Variants in AGPAT5 observed in about 807,000 individuals in gnomAD.
AGPAT5 encodes 1-acylglycerol-3-phosphate O-acyltransferase 5, also known as 1-acyl-sn-glycerol-3-phosphate acyltransferase epsilon.
AGPAT5 carries 46 observed loss-of-function variants against 45.6 expected under a neutral mutation model. That is an observed-to-expected ratio of 1.01 (90% CI 0.80 to 1.29). AGPAT5 has a LOEUF of 1.29. AGPAT5 is among the 50% of genes most tolerant of loss of function. The probability of loss-of-function intolerance (pLI) is 0.00; values close to 1 mark genes in which losing one functional copy is unlikely to be tolerated. For synonymous variants in AGPAT5, 272 were observed against 167.0 expected (o/e 1.63, Z -4.85); for missense variants, 673 against 450.7 (o/e 1.49, Z -4.47).
rs1801937220 is a variant in AGPAT5 at position 6,758,970 on chromosome 8, T to C, written c.*1582T>C. On this transcript the variant is annotated 3_prime_UTR_variant, in exon 8 of 8. Coordinates refer to ENST00000285518, the MANE Select transcript of AGPAT5 (RefSeq NM_018361.5). ...TTAAGTGACTGTGTTACACTGCTTC[T>C]CCCATGCCAGAGAATAAACTCTTTC... The C allele has an allele frequency of 6.6e-6, 1 of 152,536 alleles. No homozygotes were observed. Among genetic ancestry groups the C allele is most frequent in the Admixed American group, 6.5e-5 (1 of 15,280 alleles). The allele number at this position is 152,536 out of a possible 1,614,324, so 9.4% of individuals were successfully genotyped here.
intron 1 of AGPAT5, among the ~76,000 whole-genome samples, chr8:6,710,939 G>C (rs1314066963): frequency 2.0e-5 from 3 of 151,958 alleles, no homozygotes; most frequent in African/African-American, 7.3e-5. Flanking sequence ...GTTTTTATCA[G>C]CTTTCGTTTG....
chr8:6,756,010 AC>A (rs1801820715), intron 7 of AGPAT5, among the ~76,000 whole-genome samples: 1 of 152,226 alleles, frequency 6.6e-6, no homozygotes, highest in Admixed American at 6.5e-5. Flanking sequence ...TTAATGTCCT[AC>A]TTATTTTATA....
intron 5 of AGPAT5, among the ~76,000 whole-genome samples, chr8:6,746,447 A>C (rs1801467017): frequency 6.6e-6 from 1 of 152,212 alleles, no homozygotes; most frequent in Non-Finnish European, 1.5e-5. Context: ...GGATGCCAGT[A>C]ATTAGTTGTT....
At chr8:6,712,561 GTA>G (rs1227449416) in intron 1 of AGPAT5, among the ~76,000 whole-genome samples, 3 of 152,124 alleles carry the variant, frequency 2.0e-5, no homozygotes, top group African/African-American at 7.2e-5. Context: ...GTAAGAGGCC[GTA>G]TATATATCCT....
intron 1 of AGPAT5, among the ~76,000 whole-genome samples, chr8:6,717,533 C>G (rs1203660555): frequency 1.3e-5 from 2 of 152,128 alleles, no homozygotes; most frequent in African/African-American, 4.8e-5. Flanking sequence ...AAAGATGTCA[C>G]TTAAAAGAAA....
rs547991636 is a variant in AGPAT5, at chr8:6,721,282, A to G, written c.220-3588A>G. 9.0e-4 allele frequency among the ~76,000 whole-genome samples: 137 copies of G among 152,360 alleles called. 1 individual carries two copies. Among genetic ancestry groups the G allele is most frequent in the African/African-American group, 3.2e-3 (132 of 41,596 alleles). ...TTTAAAAGTTCAAGTAATTATAAAC[A>G]TTGTAAATTGTATATGTAATCATAT... On this transcript the variant is annotated intron_variant, in intron 1 of 7. Coordinates refer to ENST00000285518, the MANE Select transcript of AGPAT5 (RefSeq NM_018361.5).
chr8:6,715,682 C>G (rs1800304818), intron 1 of AGPAT5, among the ~76,000 whole-genome samples: 3 of 152,174 alleles, frequency 2.0e-5, no homozygotes, highest in Non-Finnish European at 4.4e-5. Context: ...AGACCCCCTA[C>G]TTTCAAGGTA....
intron 7 of AGPAT5, among the ~76,000 whole-genome samples, chr8:6,755,990 A>G (rs999467043): frequency 3.9e-5 from 6 of 152,228 alleles, no homozygotes; most frequent in Non-Finnish European, 8.8e-5. Flanking sequence ...CAGAAAAAAG[A>G]CTAATGTATT....
chr8:6,720,836 C>G (rs1032326953), intron 1 of AGPAT5, among the ~76,000 whole-genome samples: 2 of 152,104 alleles, frequency 1.3e-5, no homozygotes, highest in Non-Finnish European at 2.9e-5. Context: ...GTTCTTAATA[C>G]TATGGAAACA....
At position 6,741,585 on chromosome 8, in the gene AGPAT5, G is replaced by T. The variant is rs531795297; in HGVS notation, c.496-76G>T. On this transcript the variant is annotated intron_variant, in intron 4 of 7. Coordinates refer to ENST00000285518, the MANE Select transcript of AGPAT5 (RefSeq NM_018361.5). ...GGAAATACTCTGTTAGCATTAGTAG[G>T]TTTAGCTTTTTTAGGTTAACAATAA... 18 of 1,001,452 alleles carry T rather than the reference G, an allele frequency of 1.8e-5. No individual in the cohort carries two copies. The East Asian group carries it at 4.5e-4, about 25-fold the overall frequency. The allele number at this position is 1,001,452 out of a possible 1,614,324, so 62.0% of individuals were successfully genotyped here. A position where few individuals can be genotyped will look rare whatever the true frequency, so the allele number is the denominator to read the frequency against.
chr8:6,719,726 C>G (rs1265109972), intron 1 of AGPAT5, among the ~76,000 whole-genome samples: 1 of 152,164 alleles, frequency 6.6e-6, no homozygotes, highest in Non-Finnish European at 1.5e-5. Context: ...TTTACATTTT[C>G]AACAAGATCT....
intron 2 of AGPAT5, among the ~76,000 whole-genome samples, chr8:6,728,403 A>G (rs1442821667): frequency 1.3e-5 from 2 of 152,250 alleles, no homozygotes; most frequent in African/African-American, 2.4e-5. Context: ...AGTAGCAAAT[A>G]TTGGTGACAC....
intron 1 of AGPAT5, among the ~76,000 whole-genome samples, chr8:6,721,412 G>A (rs1347847747): frequency 6.6e-6 from 1 of 152,104 alleles, no homozygotes; most frequent in East Asian, 1.9e-4. Flanking sequence ...ACAGAGTTTT[G>A]AATAAAAAGT....
chr8:6,747,385 G>A (rs12546427), intron 5 of AGPAT5, among the ~76,000 whole-genome samples: 21,347 of 152,208 alleles, frequency 0.14, 1,786 homozygotes, highest in Admixed American at 0.24. Flanking sequence ...ATTTACCCTT[G>A]CCGGGGTCTA....
intron 4 of AGPAT5, among the ~76,000 whole-genome samples, chr8:6,740,638 G>T (rs941101913): frequency 6.6e-6 from 1 of 151,812 alleles, no homozygotes; most frequent in East Asian, 1.9e-4. Flanking sequence ...CTGAAAGTAC[G>T]AAATTTTTAG....
intron 2 of AGPAT5, among the ~76,000 whole-genome samples, chr8:6,725,328 T>A (rs560125395): frequency 1.3e-5 from 2 of 152,366 alleles, no homozygotes; most frequent in South Asian, 4.1e-4. Context: ...TGTATTGGTA[T>A]GTAAGTACTC....
At chr8:6,726,768 C>G (rs928081765) in intron 2 of AGPAT5, among the ~76,000 whole-genome samples, 2 of 152,156 alleles carry the variant, frequency 1.3e-5, no homozygotes, top group South Asian at 2.1e-4. Context: ...TCCCTTCACC[C>G]TACCTCCGAG....
Position 6,760,923 on chromosome 8 carries a change from G to T in AGPAT5, c.*3535G>T, listed in dbSNP as rs867833190. The stretch of plus-strand genomic sequence containing the variant: ...AACCTTCAACTATTATGAAGTGCTC[G>T]TCTGTACAATCGCTAATTTACTCAG... On this transcript the variant is annotated 3_prime_UTR_variant, in exon 8 of 8. Coordinates refer to ENST00000285518, the MANE Select transcript of AGPAT5 (RefSeq NM_018361.5). Among the ~76,000 whole-genome samples the T allele has an allele frequency of 6.6e-6, 1 of 152,096 alleles. No homozygotes were observed. The highest frequency in any genetic ancestry group is 2.1e-4 in the South Asian group (1 of 4,826).
intron 1 of AGPAT5, among the ~76,000 whole-genome samples, chr8:6,722,115 G>A (rs181551824): frequency 6.6e-6 from 1 of 152,184 alleles, no homozygotes; most frequent in South Asian, 2.1e-4. Context: ...ACTAGGAAAT[G>A]TATAGTAATA....
Sources: gnomAD v4.1 joint callset for allele counts (sites outside exome capture counted in the v4.1 genomes callset) on GRCh38, gnomAD v4.1.1 for gene constraint, MANE v1.5 for transcripts, NCBI Gene and HGNC (gene_info 2026-07-23, HGNC 2026-07-21) for gene names.